Variants in FAR2 observed in about 807,000 individuals in gnomAD.
The protein encoded by FAR2 is epididymis secretory protein Li 81.
In FAR2, 19 loss-of-function variants were observed where a neutral mutation model predicts 56.0. The observed-to-expected ratio is 0.34, with a 90% CI of 0.24 to 0.50. The LOEUF is 0.50. Among genes scored for constraint, FAR2 ranks in the 20% least tolerant of loss-of-function variants. The probability of loss-of-function intolerance (pLI) is 0.98; values close to 1 mark genes in which losing one functional copy is unlikely to be tolerated. For missense variants in FAR2, 508 were observed against 642.2 expected (o/e 0.79, Z 2.26); for synonymous variants, 219 against 218.8 (o/e 1.00, Z -0.01).
intron 3 of FAR2, among the ~76,000 whole-genome samples, chr12:29,296,597 A>T (rs933627279): frequency 2.6e-5 from 4 of 152,192 alleles, no homozygotes; most frequent in African/African-American, 9.7e-5. Flanking sequence ...TCTTTACAAG[A>T]GCAACTTACA....
At chr12:29,214,781 A>G (rs1947600310) in intron 1 of FAR2, among the ~76,000 whole-genome samples, 1 of 152,088 alleles carries the variant, frequency 6.6e-6, no homozygotes, top group South Asian at 2.1e-4. Context: ...AGATTGCACC[A>G]TTGCATTCCA....
chr12:29,217,097 G>A (rs542534916), intron 1 of FAR2, among the ~76,000 whole-genome samples: 119 of 152,242 alleles, frequency 7.8e-4, no homozygotes, highest in African/African-American at 2.7e-3. Flanking sequence ...TAGGAGATTA[G>A]GATATTCTGA....
chr12:29,283,954 A>C (rs566688926), intron 2 of FAR2, among the ~76,000 whole-genome samples: 164 of 152,356 alleles, frequency 1.1e-3, no homozygotes, highest in African/African-American at 3.8e-3. Flanking sequence ...AGTTGCAAAT[A>C]AATCATTCAG....
rs531373123 is a variant in FAR2 at position 29,307,910 on chromosome 12, T to C, written c.723+75T>C. ...TCTAGTCCAATTACTTTCTGATGTC[T>C]TTCTTCTTCTCCTCCTCAGGATTTA... On this transcript the variant is annotated intron_variant, in intron 5 of 11. Coordinates refer to ENST00000536681, the MANE Select transcript of FAR2 (RefSeq NM_001271783.2). The C allele has an allele frequency of 1.0e-4, 147 of 1,428,344 alleles. No homozygotes were observed. The African/African-American group carries it at 1.7e-3, about 16-fold the overall frequency. 88.5% of individuals were successfully genotyped at this position (1,428,344 alleles called of 1,614,324 possible). A position where few individuals can be genotyped will look rare whatever the true frequency, so the allele number is the denominator to read the frequency against.
At chr12:29,157,106 T>TTATATATATATATATA (rs5797307) in intron 1 of FAR2, 13 of 73,458 alleles carry the variant, frequency 1.8e-4, no homozygotes, top group Admixed American at 6.0e-4. Context: ...AAAGAACATT[T>TTATATATATATATATA]TATATATATA....
chr12:29,260,993 G>C (rs1326047487), intron 1 of FAR2, among the ~76,000 whole-genome samples: 1 of 152,136 alleles, frequency 6.6e-6, no homozygotes, highest in African/African-American at 2.4e-5. Flanking sequence ...ACAACACCTA[G>C]GTCCCTCTGA....
At chr12:29,170,631 TTC>T (rs965068902) in intron 1 of FAR2, among the ~76,000 whole-genome samples, 3 of 152,060 alleles carry the variant, frequency 2.0e-5, no homozygotes, top group South Asian at 2.1e-4. Flanking sequence ...CTCTTTGACT[TTC>T]TGTCTCTCTC....
chr12:29,154,083 T>C (rs1949703105), intron 1 of FAR2, among the ~76,000 whole-genome samples: 1 of 152,226 alleles, frequency 6.6e-6, no homozygotes, highest in East Asian at 1.9e-4. Context: ...TTTATAATTT[T>C]TTAAAAAGTT....
At chr12:29,232,652 G>T (rs1947876570) in intron 1 of FAR2, among the ~76,000 whole-genome samples, 1 of 151,986 alleles carries the variant, frequency 6.6e-6, no homozygotes, top group South Asian at 2.1e-4. Flanking sequence ...CAGGCCATCT[G>T]ATTATTAGTC....
intron 1 of FAR2, chr12:29,151,311 G>A (rs1220073615): frequency 6.6e-6 from 1 of 151,210 alleles, no homozygotes; most frequent in Non-Finnish European, 1.5e-5. Flanking sequence ...GAGGGTAACA[G>A]ACCAATTTGA....
chr12:29,152,259 T>A (rs1201376067), intron 1 of FAR2, among the ~76,000 whole-genome samples: 2 of 152,206 alleles, frequency 1.3e-5, no homozygotes, highest in Admixed American at 1.3e-4. Context: ...TCATTTAATT[T>A]AAAAAATCTG....
chr12:29,167,615 C>G (rs1216061619), intron 1 of FAR2, among the ~76,000 whole-genome samples: 1 of 152,216 alleles, frequency 6.6e-6, no homozygotes, highest in Non-Finnish European at 1.5e-5. Context: ...ACGTCATTAT[C>G]CTATATCACT....
chr12:29,308,395 C>A (rs1949288486), intron 5 of FAR2, among the ~76,000 whole-genome samples: 1 of 151,992 alleles, frequency 6.6e-6, no homozygotes, highest in Admixed American at 6.6e-5. Flanking sequence ...GTTGTCCCTT[C>A]CATAAAACAG....
chr12:29,276,302 GT>G (rs923361707), intron 2 of FAR2, among the ~76,000 whole-genome samples: 2 of 151,856 alleles, frequency 1.3e-5, no homozygotes, highest in South Asian at 2.1e-4. Context: ...AAAAAGAAGT[GT>G]TTTTTTTCCC....
intron 1 of FAR2, among the ~76,000 whole-genome samples, chr12:29,237,346 G>A (rs1378662252): frequency 6.6e-6 from 1 of 152,182 alleles, no homozygotes; most frequent in African/African-American, 2.4e-5. Flanking sequence ...TGGTGCAAAA[G>A]CAATGGTGGG....
chr12:29,255,138 C>G (rs945155561), intron 1 of FAR2, among the ~76,000 whole-genome samples: 2 of 148,852 alleles, frequency 1.3e-5, no homozygotes, highest in Non-Finnish European at 3.0e-5. Context: ...ATCAACAGAC[C>G]CTTATATTCT....
At chr12:29,276,583 G>A (rs1374985767) in intron 2 of FAR2, among the ~76,000 whole-genome samples, 4 of 152,168 alleles carry the variant, frequency 2.6e-5, no homozygotes, top group Admixed American at 2.6e-4. Context: ...TCCCAAAACT[G>A]AAAAGTTTTT....
At chr12:29,203,469 T>C (rs529513184) in intron 1 of FAR2, among the ~76,000 whole-genome samples, 1 of 152,290 alleles carries the variant, frequency 6.6e-6, no homozygotes, top group South Asian at 2.1e-4. Flanking sequence ...TGAAATGTAA[T>C]TAGTGGGAAT....
Position 29,232,923 on chromosome 12 carries a change from A to C in FAR2, c.-38-37489A>C, listed in dbSNP as rs536536833. ...GGACCTTGTCACCCAGAGTTGCTTCAACTCTGGAATCTTGAATTTCAATAT... is the reference window on the plus strand; with the variant it reads ...GGACCTTGTCACCCAGAGTTGCTTCCACTCTGGAATCTTGAATTTCAATAT... On this transcript the variant is annotated intron_variant, in intron 1 of 11. Coordinates refer to ENST00000536681, the MANE Select transcript of FAR2 (RefSeq NM_001271783.2). 1.8e-4 allele frequency among the ~76,000 whole-genome samples: 27 copies of C among 151,974 alleles called. 2 individuals are homozygous for C. The South Asian group carries it at 5.6e-3, about 32-fold the overall frequency.
Sources: allele counts gnomAD v4.1 joint callset (sites outside exome capture counted in the v4.1 genomes callset), GRCh38; gene constraint gnomAD v4.1.1; transcripts MANE v1.5; gene names NCBI Gene and HGNC (gene_info 2026-07-23, HGNC 2026-07-21).